The following TCF12 variants were observed in gnomAD, a reference collection of about 807,000 sequenced individuals.
TCF12 encodes the protein DNA-binding protein HTF4.
In TCF12, 45 loss-of-function variants were observed where a neutral mutation model predicts 86.0. That is an observed-to-expected ratio of 0.52 (90% CI 0.41 to 0.67). TCF12 has a LOEUF of 0.67. Among genes scored for constraint, TCF12 ranks in the 30% least tolerant of loss-of-function variants. The pLI is 0.00. For missense variants in TCF12, 881 were observed against 859.9 expected, an observed-to-expected ratio of 1.02 and a Z score of -0.31; for synonymous variants, 330 against 299.6, an observed-to-expected ratio of 1.10 and a Z score of -1.05.
At chr15:57,101,610 C>T (rs573102175) in intron 5 of TCF12, among the ~76,000 whole-genome samples, 3 of 152,330 alleles carry the variant, frequency 2.0e-5, no homozygotes, top group Admixed American at 6.5e-5. Context: ...CACACACACA[C>T]GTGCATATGC....
intron 3 of TCF12, among the ~76,000 whole-genome samples, chr15:56,922,269 G>A (rs2059827930): frequency 1.3e-5 from 2 of 151,954 alleles, no homozygotes; most frequent in Non-Finnish European, 2.9e-5. Flanking sequence ...ATACATAGTA[G>A]ATGATGCTTA....
At position 57,089,162 on chromosome 15, in the gene TCF12, A is replaced by G. The variant is rs534671908; in HGVS notation, c.223-2627A>G. ...AGTTTGCACCTGTAGATGAAGAACT[A>G]TTATTCCTTTCTTGTCTCTTGGACA... On this transcript the variant is annotated intron_variant, in intron 4 of 20. Coordinates refer to ENST00000333725, the MANE Select transcript of TCF12 (RefSeq NM_207037.2). 5.9e-5 allele frequency among the ~76,000 whole-genome samples: 9 copies of G among 152,320 alleles called. No individual in the cohort carries two copies. In the East Asian group the frequency reaches 1.7e-3, roughly 29 times the overall value.
chr15:57,112,989 C>A (rs2050595952), intron 5 of TCF12, among the ~76,000 whole-genome samples: 1 of 152,178 alleles, frequency 6.6e-6, no homozygotes, highest in African/African-American at 2.4e-5. Context: ...TCTGCTTTTT[C>A]ATGGTAAGAA....
At chr15:57,116,779 T>G (rs1167373885) in intron 5 of TCF12, among the ~76,000 whole-genome samples, 2 of 152,246 alleles carry the variant, frequency 1.3e-5, no homozygotes, top group African/African-American at 2.4e-5. Flanking sequence ...CTCATGTCAC[T>G]TATAATGCTT....
chr15:56,973,323 C>G (rs2062433688), intron 3 of TCF12, among the ~76,000 whole-genome samples: 2 of 152,010 alleles, frequency 1.3e-5, no homozygotes, highest in South Asian at 4.2e-4. Flanking sequence ...ACATACAAAG[C>G]ATTGACATCT....
chr15:57,248,178 AT>A, intron 13 of TCF12: 1 of 692,328 alleles, frequency 1.4e-6, no homozygotes, highest in East Asian at 2.7e-5. Context: ...CTTACGTCTT[AT>A]TGGCCAGCAC....
chr15:57,264,773 A>C (rs2060770133), intron 18 of TCF12, among the ~76,000 whole-genome samples: 1 of 152,128 alleles, frequency 6.6e-6, no homozygotes. Context: ...CTTGTCGCCC[A>C]GGCTGGGGTG....
chr15:57,005,789 C>T (rs1354558074), intron 3 of TCF12, among the ~76,000 whole-genome samples: 3 of 152,054 alleles, frequency 2.0e-5, no homozygotes, highest in African/African-American at 4.8e-5. Flanking sequence ...AGGCTGGTCT[C>T]GAACTCCTGA....
At chr15:57,006,889 A>G (rs901708610) in intron 3 of TCF12, among the ~76,000 whole-genome samples, 5 of 152,116 alleles carry the variant, frequency 3.3e-5, no homozygotes, top group Non-Finnish European at 2.9e-5. Flanking sequence ...GCACTTCAGC[A>G]TGGGTGACAG....
chr15:57,241,824 C>G (rs1457329762), intron 12 of TCF12, among the ~76,000 whole-genome samples: 4 of 152,070 alleles, frequency 2.6e-5, no homozygotes, highest in African/African-American at 7.2e-5. Flanking sequence ...GAAATCTTTT[C>G]TCTACTAAAA....
intron 6 of TCF12, among the ~76,000 whole-genome samples, chr15:57,187,285 T>A (rs1407615552): frequency 2.6e-5 from 4 of 152,156 alleles, no homozygotes; most frequent in African/African-American, 9.7e-5. Flanking sequence ...AAAGGTCATT[T>A]ACAAAAAACC....
intron 3 of TCF12, among the ~76,000 whole-genome samples, chr15:56,923,279 A>G (rs1233511680): frequency 1.3e-5 from 2 of 152,134 alleles, no homozygotes; most frequent in Non-Finnish European, 2.9e-5. Flanking sequence ...AAGAATATAT[A>G]CTATAGCATG....
chr15:57,110,473 C>T (rs2151225362), intron 5 of TCF12, among the ~76,000 whole-genome samples: 1 of 152,252 alleles, frequency 6.6e-6, no homozygotes, highest in East Asian at 1.9e-4. Flanking sequence ...TAAACAAATG[C>T]TTTGCCAGTT....
intron 3 of TCF12, among the ~76,000 whole-genome samples, chr15:57,059,563 T>A (rs1455076881): frequency 6.6e-6 from 1 of 152,154 alleles, no homozygotes; most frequent in Non-Finnish European, 1.5e-5. Flanking sequence ...GGTCTGGTAG[T>A]GGCAAATGGG....
intron 5 of TCF12, among the ~76,000 whole-genome samples, chr15:57,127,511 T>C (rs1236761962): frequency 6.6e-6 from 1 of 152,200 alleles, no homozygotes; most frequent in Non-Finnish European, 1.5e-5. Flanking sequence ...TTTTTTCATC[T>C]CCTTACATTT....
intron 3 of TCF12, among the ~76,000 whole-genome samples, chr15:57,053,750 C>G (rs1478021703): frequency 6.6e-6 from 1 of 152,018 alleles, no homozygotes; most frequent in African/African-American, 2.4e-5. Context: ...CCCCCAGTTG[C>G]CTGAAGTATC....
chr15:57,126,192 G>T (rs1243847327), intron 5 of TCF12, among the ~76,000 whole-genome samples: 1 of 152,168 alleles, frequency 6.6e-6, no homozygotes, highest in Non-Finnish European at 1.5e-5. Context: ...ACTGAGCTAA[G>T]ATTGCGCCAC....
In TCF12 at chr15:57,252,765, C is replaced by T. The variant is rs561331462; in HGVS notation, c.1260+273C>T. On this transcript the variant is annotated intron_variant, in intron 15 of 20. Transcript: ENST00000333725. Reference sequence around the variant, plus strand: ...GTGTGTATCCACAGACAGACAATACCATTTATTTAGTTTTGTCAAAGAACA... The same window carrying T: ...GTGTGTATCCACAGACAGACAATACTATTTATTTAGTTTTGTCAAAGAACA... Among the ~76,000 whole-genome samples, 6 of 152,084 alleles carry T rather than the reference C, an allele frequency of 3.9e-5. No individual in the cohort carries two copies. In the South Asian group the frequency reaches 1.2e-3, roughly 32 times the overall value.
chr15:56,955,774 T>A (rs2061484206), intron 3 of TCF12, among the ~76,000 whole-genome samples: 1 of 152,202 alleles, frequency 6.6e-6, no homozygotes, highest in South Asian at 2.1e-4. Flanking sequence ...TGTTCAAGTC[T>A]TTCATGTTCT....
Sources: gnomAD v4.1 joint callset for allele counts (sites outside exome capture counted in the v4.1 genomes callset) on GRCh38, gnomAD v4.1.1 for gene constraint, MANE v1.5 for transcripts, NCBI Gene and HGNC (gene_info 2026-07-23, HGNC 2026-07-21) for gene names.